The following KCNT1 variants were observed in gnomAD, a reference collection of about 807,000 sequenced individuals.
KCNT1 encodes the protein potassium channel subfamily T member 1.
Under a neutral mutation model 147.8 loss-of-function variants are expected in KCNT1, and 78 were observed. That is an observed-to-expected ratio of 0.53 (90% confidence interval 0.44 to 0.64). KCNT1 has a LOEUF of 0.64. KCNT1 is among the 30% of genes least tolerant of loss of function. KCNT1 has a pLI of 0.00. For missense variants in KCNT1, 1,419 were observed against 1,750.3 expected, an observed-to-expected ratio of 0.81 and a Z score of 3.38; for synonymous variants, 867 against 748.8, an observed-to-expected ratio of 1.16 and a Z score of -2.58.
At position 135,732,287 on chromosome 9, in the gene KCNT1, G is replaced by A. The variant is rs546655300; in HGVS notation, c.254+17567G>A. Among the ~76,000 whole-genome samples the A allele has an allele frequency of 8.5e-5, 13 of 152,076 alleles. No homozygotes were observed. The South Asian group carries it at 2.5e-3, about 29-fold the overall frequency. ...GCCCGCCTCAGCCTCCCAAAGTGCT[G>A]GGATTACAGGCATGAGCCACCGCAA... On this transcript the variant is annotated intron_variant, in intron 2 of 30. Transcript: ENST00000371757.
At position 135,791,813 on chromosome 9, in the gene KCNT1, C is replaced by G; in HGVS notation, c.3519C>G (p.His1173Gln). 1 of 1,613,880 alleles carries G rather than the reference C, an allele frequency of 6.2e-7. No homozygotes were observed. The highest frequency in any genetic ancestry group is 8.5e-7 in the Non-Finnish European group (1 of 1,179,920). Reference protein sequence around the residue: ...PTTGYDEMNDHQNTLSYVLIN... With the variant: ...PTTGYDEMNDQQNTLSYVLIN... ...CCTTTGCAGACGAGATGAACGACCA[C>G]CAGAACACCCTCTCCTACGTCCTCA... Residue 1173 changes from histidine (H) to glutamine (Q), a missense_variant, in exon 30 of 31, where the codon CAC (histidine) becomes CAG (glutamine). His to Gln is a conservative substitution (Grantham distance 24). Around this residue, in one of 5 missense-constraint regions of KCNT1, gnomAD observed 306 missense variants for 294.2 expected, o/e 1.04. Transcript: ENST00000371757.
At chr9:135,718,273 C>T (rs1390548612) in intron 2 of KCNT1, among the ~76,000 whole-genome samples, 1 of 152,214 alleles carries the variant, frequency 6.6e-6, no homozygotes, top group South Asian at 2.1e-4. Flanking sequence ...CTCACAGGAG[C>T]CGTGTGAGGT....
At chr9:135,769,124 TGCGTCTGGG>T (rs1179378175) in intron 15 of KCNT1, among the ~76,000 whole-genome samples, 187 bp downstream of exon 15, 3 of 66,266 alleles carry the variant, frequency 4.5e-5, no homozygotes, top group African/African-American at 1.9e-4. Context: ...TGGGTGTCGG[TGCGTCTGGG>T]GCAGGGCGCA....
chr9:135,760,090 T>G (rs1395202517), intron 11 of KCNT1, among the ~76,000 whole-genome samples: 1 of 152,096 alleles, frequency 6.6e-6, no homozygotes, highest in Non-Finnish European at 1.5e-5. Context: ...AGCTGGCCTC[T>G]TCCTTCTGGG....
chr9:135,767,392 G>A lies in KCNT1; in HGVS notation c.1338-1218G>A, dbSNP rs574576277. The stretch of plus-strand genomic sequence containing the variant: ...TGCCAGTGATGTGGTGGGGTTCCCT[G>A]CCCTGGGGCAGAGGCGACAGTTTCT... On this transcript the variant is annotated intron_variant, in intron 13 of 30. Transcript: ENST00000371757. 2.6e-5 allele frequency among the ~76,000 whole-genome samples: 4 copies of A among 151,874 alleles called. No homozygotes were observed. In the South Asian group the frequency reaches 8.3e-4, roughly 32 times the overall value.
intron 2 of KCNT1, among the ~76,000 whole-genome samples, chr9:135,716,273 C>T (rs968370293): frequency 6.6e-6 from 1 of 152,112 alleles, no homozygotes; most frequent in African/African-American, 2.4e-5. Context: ...CCTGGGGCTC[C>T]CAGATGACTC....
chr9:135,716,937 C>T (rs1460099671), intron 2 of KCNT1, among the ~76,000 whole-genome samples: 1 of 152,230 alleles, frequency 6.6e-6, no homozygotes, highest in African/African-American at 2.4e-5. Flanking sequence ...CTCAAGATGG[C>T]CTCAGAGATG....
intron 1 of KCNT1, 52 bp downstream of exon 1, chr9:135,702,420 A>ACC (rs5901089): frequency 1.5e-5 from 21 of 1,360,338 alleles, no homozygotes; most frequent in South Asian, 8.2e-5. Context: ...CTAACCTAAG[A>ACC]CCCCCAAGTT....
At chr9:135,725,422 A>G (rs1187283721) in intron 2 of KCNT1, among the ~76,000 whole-genome samples, 10 of 152,208 alleles carry the variant, frequency 6.6e-5, no homozygotes, top group African/African-American at 2.4e-4. Context: ...AGACACAGAG[A>G]AGAAGCCACG....
At chr9:135,788,147 C>CT in intron 29 of KCNT1, 1 of 1,612,874 alleles carries the variant, frequency 6.2e-7, no homozygotes, top group Non-Finnish European at 8.5e-7. Context: ...TCGGGTAAAC[C>CT]TGGGATATTT....
chr9:135,785,012 A>C, intron 27 of KCNT1, 123 bp downstream of exon 27: 1 of 1,420,560 alleles, frequency 7.0e-7, no homozygotes, highest in Non-Finnish European at 9.5e-7. Context: ...CAGCATCCCC[A>C]CCTTCAGTGT....
intron 9 of KCNT1, among the ~76,000 whole-genome samples, chr9:135,758,195 G>C (rs1279857852): frequency 7.9e-6 from 1 of 126,796 alleles, no homozygotes; most frequent in Non-Finnish European, 1.8e-5. Flanking sequence ...AGGCTGCCCC[G>C]TGGGCCTCAG....
chr9:135,731,932 C>T (rs998861185), intron 2 of KCNT1, among the ~76,000 whole-genome samples: 1 of 138,812 alleles, frequency 7.2e-6, no homozygotes, highest in Non-Finnish European at 1.5e-5. Flanking sequence ...TTCATCATCA[C>T]ATATCTAAAT....
chr9:135,747,915 C>T (rs967728372), intron 2 of KCNT1, among the ~76,000 whole-genome samples: 1 of 152,156 alleles, frequency 6.6e-6, no homozygotes, highest in Admixed American at 6.5e-5. Context: ...CTTCCTGGAC[C>T]CTGGACCCTT....
chr9:135,761,802 G>A (rs1186839527), intron 11 of KCNT1, among the ~76,000 whole-genome samples: 2 of 152,170 alleles, frequency 1.3e-5, no homozygotes, highest in Non-Finnish European at 1.5e-5. Flanking sequence ...CAGAGGAAGG[G>A]TCAACAGGGC....
At chr9:135,782,859 G>A (rs1833712287) in intron 24 of KCNT1, among the ~76,000 whole-genome samples, 1 of 152,224 alleles carries the variant, frequency 6.6e-6, no homozygotes, top group Non-Finnish European at 1.5e-5. Context: ...CCTGGTTCTT[G>A]CCCCAAGAGC....
rs115538350 is a variant in KCNT1, at chr9:135,727,663, G to A, written c.254+12943G>A. On this transcript the variant is annotated intron_variant, in intron 2 of 30. Transcript: ENST00000371757. ...TGTGGCACCAGGCCGGGTGGTGTCC[G>A]CCATGCCAAAGGCCACTCTGCATCC... Among the ~76,000 whole-genome samples, 724 of 152,290 alleles carry A rather than the reference G, an allele frequency of 4.8e-3. 3 individuals carry two copies. Among genetic ancestry groups the A allele is most frequent in the African/African-American group, 0.014 (574 of 41,538 alleles).
Position 135,791,777 on chromosome 9 carries a change from C to A in KCNT1, c.3503-20C>A, listed in dbSNP as rs1428067840. 2 of 1,611,638 alleles carry A rather than the reference C, an allele frequency of 1.2e-6. No homozygotes were observed. On this transcript the variant is annotated intron_variant, in intron 29 of 30. Transcript: ENST00000371757. ...GGCAGGGCTGGGGGGGTGACGTCTG[C>A]CCGGCTGTGTCCTTTGCAGACGAGA...
intron 1 of KCNT1, among the ~76,000 whole-genome samples, chr9:135,709,759 C>A (rs745969271): frequency 6.6e-6 from 1 of 152,110 alleles, no homozygotes; most frequent in Non-Finnish European, 1.5e-5. Flanking sequence ...CAGCTCACTG[C>A]AACCTCCGCC....
Sources: gnomAD v4.1 joint callset for allele counts (sites outside exome capture counted in the v4.1 genomes callset) on GRCh38, gnomAD v4.1.1 for gene constraint, gnomAD v4.1.1 regional missense constraint, MANE v1.5 for transcripts, NCBI Gene and HGNC (gene_info 2026-07-23, HGNC 2026-07-21) for gene names.